OSTM1: variants seen among roughly 807,000 people sequenced by gnomAD.
OSTM1 encodes the protein osteopetrosis-associated transmembrane protein 1.
A neutral mutation model predicts 35.4 loss-of-function variants in OSTM1; 26 were observed. That is an observed-to-expected ratio of 0.73 (90% CI 0.54 to 1.02). The LOEUF is 1.02. OSTM1 is among the 50% of genes least tolerant of loss of function. The probability of loss-of-function intolerance (pLI) is 0.00; values close to 1 mark genes in which losing one functional copy is unlikely to be tolerated. For missense variants in OSTM1, 366 were observed against 409.6 expected (o/e 0.89, Z 0.92); for synonymous variants, 181 against 165.0 (o/e 1.10, Z -0.75).
intron 1 of OSTM1, among the ~76,000 whole-genome samples, chr6:108,071,060 C>A (rs1461926473): frequency 6.6e-6 from 1 of 151,152 alleles, no homozygotes. Context: ...TGGTGGCGGG[C>A]GCCTGTAGTC....
chr6:108,068,644 C>A (rs559114915), intron 1 of OSTM1, among the ~76,000 whole-genome samples: 1 of 152,200 alleles, frequency 6.6e-6, no homozygotes, highest in African/African-American at 2.4e-5. Flanking sequence ...ATAGCCTAGA[C>A]ACCACTGTCT....
chr6:108,053,611 G>A (rs1772120113), intron 3 of OSTM1, among the ~76,000 whole-genome samples: 1 of 152,008 alleles, frequency 6.6e-6, no homozygotes, highest in Admixed American at 6.6e-5. Flanking sequence ...CACTACAGGC[G>A]TGCACCACCA....
chr6:108,064,446 C>G, intron 1 of OSTM1, 147 bp from the exon 2 acceptor site: 1 of 645,864 alleles, frequency 1.5e-6, no homozygotes. Context: ...TTAATAAAAA[C>G]AATGATAATA....
chr6:108,052,168 T>C (rs763885347), intron 3 of OSTM1, among the ~76,000 whole-genome samples: 1 of 152,004 alleles, frequency 6.6e-6, no homozygotes, highest in Non-Finnish European at 1.5e-5. Flanking sequence ...GGCGCGATGG[T>C]TCACACCTGT....
intron 5 of OSTM1, among the ~76,000 whole-genome samples, chr6:108,048,896 C>A (rs1772028315): frequency 6.6e-6 from 1 of 151,766 alleles, no homozygotes; most frequent in Non-Finnish European, 1.5e-5. Flanking sequence ...GAACTACAGG[C>A]ATGCGCCATC....
intron 1 of OSTM1, among the ~76,000 whole-genome samples, chr6:108,065,489 C>T (rs1231816371): frequency 2.6e-5 from 4 of 151,942 alleles, no homozygotes; most frequent in East Asian, 1.9e-4. Context: ...CCACCTGCCT[C>T]GGCCTCCCAA....
Position 108,043,658 on chromosome 6 carries a change from C to T in OSTM1, c.*1127G>A, listed in dbSNP as rs1771913213. On this transcript the variant is annotated 3_prime_UTR_variant, in exon 6 of 6. Transcript: ENST00000193322. ...TTTTCTAAAGGCTAATACAAACATA[C>T]CAAAATAGAATTTCTGAGCACGAAC... 6.6e-6 allele frequency: 1 copy of T among 152,114 alleles called. No individual in the cohort carries two copies. The highest frequency in any genetic ancestry group is 1.5e-5 in the Non-Finnish European group (1 of 67,994). 9.4% of individuals were successfully genotyped at this position (152,114 alleles called of 1,614,324 possible). A position where few individuals can be genotyped will look rare whatever the true frequency, so the allele number is the denominator to read the frequency against.
At chr6:108,071,615 A>C (rs750406301) in intron 1 of OSTM1, among the ~76,000 whole-genome samples, 6 of 151,746 alleles carry the variant, frequency 4.0e-5, no homozygotes, top group Non-Finnish European at 8.8e-5. Flanking sequence ...ACCTGGCCTC[A>C]TAAGTTCATT....
At chr6:108,072,916 C>G (rs1410919000) in intron 1 of OSTM1, among the ~76,000 whole-genome samples, 3 of 152,126 alleles carry the variant, frequency 2.0e-5, no homozygotes, top group Admixed American at 6.5e-5. Flanking sequence ...TACCGCAATT[C>G]TTCTGCCTCA....
In OSTM1 at chr6:108,059,606, T is replaced by G. The variant is rs531063118; in HGVS notation, c.517+4579A>C. On this transcript the variant is annotated intron_variant, in intron 2 of 5. Coordinates refer to ENST00000193322, the MANE Select transcript of OSTM1 (RefSeq NM_014028.4). ...ATACTCATTTTAATAATATTCTTTC[T>G]AGTAATATTTTACCTTTCATGTTTT... 2.0e-3 allele frequency among the ~76,000 whole-genome samples: 305 copies of G among 152,328 alleles called. 1 individual carries two copies. The highest frequency in any genetic ancestry group is 7.0e-3 in the African/African-American group (293 of 41,590).
At chr6:108,064,912 A>G (rs996709994) in intron 1 of OSTM1, among the ~76,000 whole-genome samples, 11 of 152,212 alleles carry the variant, frequency 7.2e-5, no homozygotes, top group African/African-American at 2.7e-4. Flanking sequence ...AAAAAAGGAG[A>G]AAAGAGGGAG....
At chr6:108,070,356 T>G (rs758235767) in intron 1 of OSTM1, among the ~76,000 whole-genome samples, 4 of 152,154 alleles carry the variant, frequency 2.6e-5, no homozygotes, top group Non-Finnish European at 5.9e-5. Flanking sequence ...CTCCTTTAAC[T>G]TGGCATTCCT....
chr6:108,049,960 A>G (rs1486284523), intron 4 of OSTM1, among the ~76,000 whole-genome samples: 1 of 152,210 alleles, frequency 6.6e-6, no homozygotes, highest in Non-Finnish European at 1.5e-5. Context: ...TCTGACCTCA[A>G]GTTCTCTACT....
At position 108,070,137 on chromosome 6, in the gene OSTM1, A is replaced by G. The variant is rs367724449; in HGVS notation, c.402+4113T>C. Among the ~76,000 whole-genome samples, 10 of 152,234 alleles carry G rather than the reference A, an allele frequency of 6.6e-5. No homozygotes were observed. The East Asian group carries it at 1.9e-3, about 29-fold the overall frequency. On this transcript the variant is annotated intron_variant, in intron 1 of 5. Coordinates refer to ENST00000193322, the MANE Select transcript of OSTM1 (RefSeq NM_014028.4). ...ACTGAAACCTCAGCCTCCCAGGCTC[A>G]AGTGATTCTCCCACCTCAGCCTCCT... is the stretch of plus-strand genomic sequence containing the variant.
intron 2 of OSTM1, among the ~76,000 whole-genome samples, chr6:108,059,347 C>A (rs1342523663): frequency 6.6e-6 from 1 of 152,172 alleles, no homozygotes; most frequent in Non-Finnish European, 1.5e-5. Context: ...AAGTTGCACT[C>A]TTAACACTTC....
intron 4 of OSTM1, chr6:108,049,700 G>T: frequency 5.2e-6 from 2 of 381,456 alleles, no homozygotes; most frequent in Non-Finnish European, 8.9e-6. Context: ...TTCAAACAAA[G>T]AACTTATATG....
At chr6:108,058,046 T>TTC (rs1370275212) in intron 2 of OSTM1, among the ~76,000 whole-genome samples, 24 of 128,100 alleles carry the variant, frequency 1.9e-4, no homozygotes, top group African/African-American at 8.4e-4. Context: ...GAGTCAATCT[T>TTC]TTTTTTTTTT....
chr6:108,073,333 C>T (rs956722054), intron 1 of OSTM1, among the ~76,000 whole-genome samples: 1 of 152,072 alleles, frequency 6.6e-6, no homozygotes, highest in Non-Finnish European at 1.5e-5. Context: ...CAAGCATATC[C>T]GGCCCACACC....
rs1772065998 is a variant in OSTM1 at position 108,051,077 on chromosome 6, T to C, written c.737A>G (p.Asn246Ser). Residue 246 changes from asparagine to serine, a missense_variant, in exon 4 of 6, where the codon AAT becomes AGT. Physicochemically the swap from Asn to Ser is conservative, Grantham distance 46 (BLOSUM62 1). Transcript: ENST00000193322. The stretch of plus-strand genomic sequence containing the variant: ...TAAATGTGTTCCAGGTTCAGCCTTA[T>C]TCTCAAGTTCATTCATTTTTTGCAT... Reference protein sequence around the residue: ...SEMQKMNELENKAEPGTHLCI... With the variant: ...SEMQKMNELESKAEPGTHLCI... 7 of 1,613,808 alleles carry C rather than the reference T, an allele frequency of 4.3e-6. No individual in the cohort carries two copies. Among genetic ancestry groups the C allele is most frequent in the Non-Finnish European group, 5.1e-6 (6 of 1,179,874 alleles).
Sources: gnomAD v4.1 joint callset for allele counts (sites outside exome capture counted in the v4.1 genomes callset) on GRCh38, gnomAD v4.1.1 for gene constraint, MANE v1.5 for transcripts, NCBI Gene and HGNC (gene_info 2026-07-23, HGNC 2026-07-21) for gene names.